Variants in DDAH1 observed in about 807,000 individuals in gnomAD.
DDAH1 encodes N(G),N(G)-dimethylarginine dimethylaminohydrolase 1.
Under a neutral mutation model 28.8 loss-of-function variants are expected in DDAH1, and 19 were observed. That is an observed-to-expected ratio of 0.66 (90% CI 0.46 to 0.97). The LOEUF is 0.97. DDAH1 is among the 50% of genes least tolerant of loss of function. The pLI is 0.00. For synonymous variants in DDAH1, 153 were observed against 154.4 expected, an observed-to-expected ratio of 0.99 and a Z score of 0.07; for missense variants, 326 against 375.9, an observed-to-expected ratio of 0.87 and a Z score of 1.10.
rs769092259 is a variant in DDAH1 at position 85,563,200 on chromosome 1, T to G, written c.-123+14784A>C. Among the ~76,000 whole-genome samples, 6 of 152,266 alleles carry G rather than the reference T, an allele frequency of 3.9e-5. No individual in the cohort carries two copies. The East Asian group carries it at 1.2e-3, about 29-fold the overall frequency. ...TGTCTAGAGATAATGGGCAGAGTGC[T>G]GGACAGGAAAGAGCTACACAAAGAG... On this transcript the variant is annotated intron_variant, in intron 1 of 6. Transcript: ENST00000426972.
At chr1:85,511,219 T>G (rs552834819) in intron 1 of DDAH1, among the ~76,000 whole-genome samples, 1 of 152,260 alleles carries the variant, frequency 6.6e-6, no homozygotes, top group East Asian at 1.9e-4. Context: ...CACAACTACC[T>G]GGAAACTGAA....
At chr1:85,400,721 C>T (rs766264949) in intron 1 of DDAH1, among the ~76,000 whole-genome samples, 7 of 151,746 alleles carry the variant, frequency 4.6e-5, no homozygotes, top group Non-Finnish European at 8.8e-5. Context: ...TATCTTTAGG[C>T]CCTCATAGAC....
chr1:85,540,868 G>A (rs968558636), intron 1 of DDAH1, among the ~76,000 whole-genome samples: 1 of 150,980 alleles, frequency 6.6e-6, no homozygotes, highest in East Asian at 2.0e-4. Flanking sequence ...GCTGAGGCAG[G>A]AGAATTGCTT....
At chr1:85,322,391 G>A (rs1661385609) in intron 5 of DDAH1, among the ~76,000 whole-genome samples, 1 of 152,216 alleles carries the variant, frequency 6.6e-6, no homozygotes, top group Admixed American at 6.5e-5. Context: ...GAAAGCATAT[G>A]TCAAAACTTC....
intron 1 of DDAH1, among the ~76,000 whole-genome samples, chr1:85,375,276 G>A (rs558574318): frequency 3.9e-5 from 6 of 152,152 alleles, no homozygotes; most frequent in African/African-American, 1.4e-4. Flanking sequence ...CACAGAGAGA[G>A]GTCCCTCTGT....
intron 1 of DDAH1, among the ~76,000 whole-genome samples, chr1:85,518,904 G>A (rs56900948): frequency 0.18 from 27,116 of 151,772 alleles, 3,410 homozygotes; most frequent in African/African-American, 0.36. Context: ...TTAGCACATA[G>A]CAATTACTCA....
At chr1:85,370,813 G>A (rs929780440) in intron 1 of DDAH1, among the ~76,000 whole-genome samples, 3 of 152,098 alleles carry the variant, frequency 2.0e-5, no homozygotes, top group Non-Finnish European at 4.4e-5. Context: ...CCAGGGAGAG[G>A]AGCAAGGCTG....
rs61417262 is a variant in DDAH1, at chr1:85,347,374, C to T, written c.597+3041G>A. ...AAGACTTGGAACCAACCCAAATGTC[C>T]ATCAATGATAGACTGGATTAAGAAA... On this transcript the variant is annotated intron_variant, in intron 4 of 5. Transcript: ENST00000284031. Among the ~76,000 whole-genome samples the T allele has an allele frequency of 5.6e-3, 846 of 152,282 alleles. 11 individuals carry two copies. Among genetic ancestry groups the T allele is most frequent in the African/African-American group, 0.019 (804 of 41,554 alleles).
At chr1:85,422,873 A>G (rs1472399238) in intron 1 of DDAH1, among the ~76,000 whole-genome samples, 3 of 152,156 alleles carry the variant, frequency 2.0e-5, no homozygotes, top group Non-Finnish European at 1.5e-5. Flanking sequence ...AGGCCATATG[A>G]GCGCGCAGCA....
intron 1 of DDAH1, among the ~76,000 whole-genome samples, chr1:85,513,547 C>T (rs571555707): frequency 3.4e-4 from 51 of 152,222 alleles, no homozygotes; most frequent in South Asian, 2.1e-3. Context: ...AAGAAACTAC[C>T]GTCAGAGTGA....
intron 2 of DDAH1, among the ~76,000 whole-genome samples, chr1:85,470,934 T>C (rs1655596361): frequency 6.6e-6 from 1 of 152,238 alleles, no homozygotes; most frequent in Non-Finnish European, 1.5e-5. Context: ...CAGACAAGCC[T>C]GAATTTGATT....
intron 1 of DDAH1, among the ~76,000 whole-genome samples, chr1:85,566,791 CAT>C (rs764881189): frequency 2.0e-4 from 30 of 151,736 alleles, no homozygotes; most frequent in Non-Finnish European, 3.4e-4. Flanking sequence ...TGTGTGTGTA[CAT>C]GTGTGTACGT....
In DDAH1 at chr1:85,464,586, T is replaced by G; in HGVS notation, c.303+157A>C. Reference sequence around the variant, plus strand: ...TGAACAATGAACTTCTCTCTGACTCTCTGACACACACACACACACACACAC... The same window carrying G: ...TGAACAATGAACTTCTCTCTGACTCGCTGACACACACACACACACACACAC... On this transcript the variant is annotated intron_variant, in intron 1 of 5. Coordinates refer to ENST00000284031, the MANE Select transcript of DDAH1 (RefSeq NM_012137.4). This position sits in a 1 kb window ranked among gnomAD's most constrained non-coding sequence, Gnocchi z 4.4. The G allele has an allele frequency of 6.8e-7, 1 of 1,463,642 alleles. No individual in the cohort carries two copies. 90.7% of individuals were successfully genotyped at this position (1,463,642 alleles called of 1,614,324 possible). A position where few individuals can be genotyped will look rare whatever the true frequency, so the allele number is the denominator to read the frequency against.
chr1:85,436,897 C>G (rs1041716026), intron 1 of DDAH1, among the ~76,000 whole-genome samples: 9 of 152,214 alleles, frequency 5.9e-5, no homozygotes, highest in African/African-American at 2.2e-4. Flanking sequence ...AGACACTACT[C>G]AAGCAAGGTT....
chr1:85,463,301 T>C (rs1239907740), intron 1 of DDAH1, among the ~76,000 whole-genome samples: 1 of 152,236 alleles, frequency 6.6e-6, no homozygotes, highest in Non-Finnish European at 1.5e-5. Flanking sequence ...TGAATAAATA[T>C]GGTGACAGTC....
At chr1:85,378,704 T>G (rs1300366801) in intron 1 of DDAH1, among the ~76,000 whole-genome samples, 1 of 152,208 alleles carries the variant, frequency 6.6e-6, no homozygotes, top group Non-Finnish European at 1.5e-5. Context: ...CCACCATGGC[T>G]GGCCCTCTGG....
intron 1 of DDAH1, among the ~76,000 whole-genome samples, chr1:85,433,999 TATTA>T (rs1174105697): frequency 5.3e-5 from 8 of 152,308 alleles, no homozygotes; most frequent in South Asian, 2.1e-4. Flanking sequence ...GTACAGTATT[TATTA>T]ATTAAAAATT....
intron 1 of DDAH1, among the ~76,000 whole-genome samples, chr1:85,440,543 C>G (rs550247629): frequency 6.6e-6 from 1 of 152,304 alleles, no homozygotes; most frequent in African/African-American, 2.4e-5. Flanking sequence ...TGACCCTATA[C>G]AGGACTACTC....
intron 4 of DDAH1, among the ~76,000 whole-genome samples, 200 bp downstream of exon 4, chr1:85,350,215 A>T (rs1649118919): frequency 6.6e-6 from 1 of 152,106 alleles, no homozygotes; most frequent in Non-Finnish European, 1.5e-5. Context: ...ACAGTTCACC[A>T]GTGAAGAGTT....
Sources: allele counts gnomAD v4.1 joint callset (sites outside exome capture counted in the v4.1 genomes callset), GRCh38; gene constraint gnomAD v4.1.1; non-coding constraint Gnocchi (gnomAD v3.1); transcripts MANE v1.5; gene names NCBI Gene and HGNC (gene_info 2026-07-23, HGNC 2026-07-21).